Variants in DACH1 observed in about 807,000 individuals in gnomAD.
The protein encoded by DACH1 is dachshund homolog 1.
Under a neutral mutation model 54.2 loss-of-function variants are expected in DACH1, and 12 were observed. That is an observed-to-expected ratio of 0.22 (90% CI 0.14 to 0.36). The LOEUF (loss-of-function observed/expected upper bound fraction) is 0.36, where lower values mean the gene tolerates loss of function less well. Among genes scored for constraint, DACH1 ranks in the 10% least tolerant of loss-of-function variants. DACH1 has a pLI of 1.00. For missense variants in DACH1, 805 were observed against 929.8 expected (o/e 0.87, Z 1.75); for synonymous variants, 386 against 366.2 (o/e 1.05, Z -0.62).
At chr13:71,469,559 C>G (rs1055940507) in intron 10 of DACH1, among the ~76,000 whole-genome samples, 2 of 152,120 alleles carry the variant, frequency 1.3e-5, no homozygotes, top group African/African-American at 4.8e-5. Context: ...ACTTACAGTC[C>G]TAGCTCCAAT....
chr13:71,633,366 G>C (rs1199179839), intron 2 of DACH1, among the ~76,000 whole-genome samples: 1 of 152,136 alleles, frequency 6.6e-6, no homozygotes, highest in Non-Finnish European at 1.5e-5. Flanking sequence ...TTGTTAAAAA[G>C]AAAGGCTTGG....
At chr13:71,663,829 A>G (rs1879661642) in intron 2 of DACH1, among the ~76,000 whole-genome samples, 1 of 151,818 alleles carries the variant, frequency 6.6e-6, no homozygotes, top group East Asian at 1.9e-4. Context: ...TATAATTCAC[A>G]CGGCTGTCTC....
chr13:71,582,432 C>T (rs913570752), intron 3 of DACH1, among the ~76,000 whole-genome samples: 1 of 152,066 alleles, frequency 6.6e-6, no homozygotes, highest in Non-Finnish European at 1.5e-5. Context: ...ATTTAACAAT[C>T]CTAACTACTA....
At chr13:71,476,904 T>G (rs981483894) in intron 8 of DACH1, among the ~76,000 whole-genome samples, 1 of 151,410 alleles carries the variant, frequency 6.6e-6, no homozygotes, top group African/African-American at 2.4e-5. Flanking sequence ...AGACTCAGTA[T>G]GAGAAAATGC....
chr13:71,592,494 CAAAAA>C (rs575364116), intron 3 of DACH1, among the ~76,000 whole-genome samples: 264 of 32,764 alleles, frequency 8.1e-3, no homozygotes, highest in South Asian at 0.053. Flanking sequence ...GACTCTATCT[CAAAAA>C]AAAAAAAAAA....
intron 1 of DACH1, among the ~76,000 whole-genome samples, chr13:71,712,628 T>A (rs1239715471): frequency 6.6e-6 from 1 of 152,292 alleles, no homozygotes; most frequent in Admixed American, 6.5e-5. Flanking sequence ...GGTTGTTCCA[T>A]GTACGACATG....
intron 3 of DACH1, among the ~76,000 whole-genome samples, chr13:71,596,582 T>C (rs954384348): frequency 2.6e-5 from 4 of 152,206 alleles, no homozygotes; most frequent in African/African-American, 9.7e-5. Context: ...CTATTACTGT[T>C]TTATGAAAAT....
At chr13:71,703,492 G>A (rs1286002980) in intron 1 of DACH1, among the ~76,000 whole-genome samples, 1 of 152,214 alleles carries the variant, frequency 6.6e-6, no homozygotes, top group Non-Finnish European at 1.5e-5. Context: ...AATGGTTGTT[G>A]TCATAAGCCA....
intron 3 of DACH1, among the ~76,000 whole-genome samples, chr13:71,575,134 A>G (rs1406127735): frequency 6.6e-6 from 1 of 152,032 alleles, no homozygotes; most frequent in Non-Finnish European, 1.5e-5. Context: ...GTTATGATTC[A>G]GCATTGATTT....
chr13:71,450,390 C>T (rs889133943), intron 10 of DACH1, among the ~76,000 whole-genome samples: 2 of 151,992 alleles, frequency 1.3e-5, no homozygotes, highest in East Asian at 1.9e-4. Context: ...GGGGGTTCCA[C>T]GAACTATGCC....
chr13:71,442,706 T>C (rs952226971), intron 10 of DACH1, among the ~76,000 whole-genome samples: 2 of 152,092 alleles, frequency 1.3e-5, no homozygotes, highest in African/African-American at 4.8e-5. Context: ...TTTGTATACA[T>C]ACATACCTAT....
intron 1 of DACH1, among the ~76,000 whole-genome samples, chr13:71,776,070 C>T (rs924803125): frequency 2.0e-5 from 3 of 152,028 alleles, no homozygotes; most frequent in African/African-American, 4.8e-5. Context: ...AGTAAAAGGG[C>T]GCAAAACAAA....
intron 1 of DACH1, among the ~76,000 whole-genome samples, chr13:71,827,147 C>T (rs1888412774): frequency 6.6e-6 from 1 of 152,004 alleles, no homozygotes; most frequent in Non-Finnish European, 1.5e-5. Context: ...GACTTTGCTG[C>T]CTTAGAGTCC....
chr13:71,740,791 A>T (rs1197050222), intron 1 of DACH1, among the ~76,000 whole-genome samples: 1 of 152,156 alleles, frequency 6.6e-6, no homozygotes, highest in Non-Finnish European at 1.5e-5. Context: ...ACATGTTATC[A>T]CATGATGATA....
At chr13:71,670,736 C>T (rs1411570214) in intron 2 of DACH1, among the ~76,000 whole-genome samples, 1 of 151,978 alleles carries the variant, frequency 6.6e-6, no homozygotes, top group Non-Finnish European at 1.5e-5. Flanking sequence ...AGACTGGGAT[C>T]AGCCTAATTA....
chr13:71,848,359 G>A (rs9572801), intron 1 of DACH1, among the ~76,000 whole-genome samples: 12,109 of 152,010 alleles, frequency 0.08, 1,309 homozygotes, highest in East Asian at 0.57. Flanking sequence ...TGTATATAAG[G>A]ACTTTGTAAT....
intron 8 of DACH1, among the ~76,000 whole-genome samples, chr13:71,478,748 G>A (rs982522441): frequency 1.3e-5 from 2 of 152,076 alleles, no homozygotes; most frequent in African/African-American, 4.8e-5. Flanking sequence ...AATTTCAGTT[G>A]ATAAATATCT....
intron 1 of DACH1, among the ~76,000 whole-genome samples, chr13:71,772,044 A>G (rs562962026): frequency 2.0e-5 from 3 of 151,654 alleles, no homozygotes; most frequent in African/African-American, 7.2e-5. Flanking sequence ...AAAATAATTC[A>G]TTTTCTGAAC....
At chr13:71,817,372 C>T (rs561173120) in intron 1 of DACH1, among the ~76,000 whole-genome samples, 2 of 152,296 alleles carry the variant, frequency 1.3e-5, no homozygotes, top group South Asian at 4.1e-4. Flanking sequence ...ATCATTACAG[C>T]TCCACACACC....
Sources: gnomAD v4.1 joint callset for allele counts (sites outside exome capture counted in the v4.1 genomes callset) on GRCh38, gnomAD v4.1.1 for gene constraint, MANE v1.5 for transcripts, NCBI Gene and HGNC (gene_info 2026-07-23, HGNC 2026-07-21) for gene names.